ARCN1: variants seen among roughly 807,000 people sequenced by gnomAD.
The protein encoded by ARCN1 is archain 1 coat protein complex I subunit delta, also known as coatomer subunit delta.
Under a neutral mutation model 60.4 loss-of-function variants are expected in ARCN1, and 5 were observed. The ratio of observed to expected loss-of-function variants is 0.08; its 90% CI spans 0.04 to 0.17. The LOEUF is 0.17. Among genes scored for constraint, ARCN1 ranks in the 10% least tolerant of loss-of-function variants. The pLI, the probability that ARCN1 is intolerant of heterozygous loss-of-function variation, is 1.00. For missense variants in ARCN1, 464 were observed against 626.5 expected (o/e 0.74, Z 2.77); for synonymous variants, 224 against 220.0 (o/e 1.02, Z -0.16).
At chr11:118,576,426 TAAA>T (rs10671866) in intron 1 of ARCN1, among the ~76,000 whole-genome samples, 59 of 108,766 alleles carry the variant, frequency 5.4e-4, no homozygotes, top group African/African-American at 1.8e-3. Flanking sequence ...CCAAAAATGT[TAAA>T]AAAAAAAAAA....
At position 118,581,151 on chromosome 11, in the gene ARCN1, A is replaced by G. The variant is rs1591383118; in HGVS notation, c.4-95A>G. 10 of 1,492,912 alleles carry G rather than the reference A, an allele frequency of 6.7e-6. No homozygotes were observed. In the East Asian group the frequency reaches 2.3e-4, roughly 34 times the overall value. The allele number at this position is 1,492,912 out of a possible 1,614,324, so 92.5% of individuals were successfully genotyped here. ...AATACTACTACTAGTCATGTCACTA[A>G]ATAAATATGTCATTCTATGGAACAT... On this transcript the variant is annotated intron_variant, in intron 1 of 9. Transcript: ENST00000264028.
At chr11:118,576,442 A>C (rs200253835) in intron 1 of ARCN1, among the ~76,000 whole-genome samples, 3,528 of 131,476 alleles carry the variant, frequency 0.027, 172 homozygotes, top group African/African-American at 0.083. Context: ...AAAAAAAAAA[A>C]AAAAAAACCA....
intron 1 of ARCN1, among the ~76,000 whole-genome samples, chr11:118,579,702 GT>G (rs1371950741): frequency 1.3e-5 from 2 of 150,910 alleles, no homozygotes; most frequent in African/African-American, 4.9e-5. Flanking sequence ...AAAAAAAAAG[GT>G]AGCAAAAATA....
At chr11:118,572,599 C>T in intron 1 of ARCN1, 49 bp downstream of exon 1, 1 of 1,592,300 alleles carries the variant, frequency 6.3e-7, no homozygotes, top group Non-Finnish European at 8.5e-7. Context: ...GCCTCACCGT[C>T]TCTCCTTGTC....
Position 118,597,699 on chromosome 11 carries a change from C to A in ARCN1, c.1242-8C>A. Reference sequence around the variant, plus strand: ...CAGCTACCTTGACCAGAATGTTTCTCACAACAGGTCTGGTGTCGGCGCGCC... The same window carrying A: ...CAGCTACCTTGACCAGAATGTTTCTAACAACAGGTCTGGTGTCGGCGCGCC... On this transcript the variant is annotated splice_region_variant and splice_polypyrimidine_tract_variant and intron_variant, in intron 8 of 9. Coordinates refer to ENST00000264028, the MANE Select transcript of ARCN1 (RefSeq NM_001655.5). The A allele has an allele frequency of 1.2e-6, 2 of 1,613,624 alleles. No individual in the cohort carries two copies. The highest frequency in any genetic ancestry group is 2.2e-5 in the South Asian group (2 of 90,962).
rs144013089 is a variant in ARCN1, at chr11:118,601,047, TTTA to T, written c.*360_*362del. ...ACCTAAGTTGCTCCTTTATTTTTAT[TTTA>T]TTATTATTATTATTATTATTATTAT... On this transcript the variant is annotated 3_prime_UTR_variant, in exon 10 of 10. Coordinates refer to ENST00000264028, the MANE Select transcript of ARCN1 (RefSeq NM_001655.5). 0.92 allele frequency: 134,751 copies of T among 145,900 alleles called. 62,290 individuals are homozygous for T. The highest frequency in any genetic ancestry group is 0.99 in the East Asian group (5,027 of 5,062). 9.0% of individuals were successfully genotyped at this position (145,900 alleles called of 1,614,324 possible).
At chr11:118,593,781 C>A (rs1406103930) in intron 8 of ARCN1, 83 bp downstream of exon 8, 2 of 769,336 alleles carry the variant, frequency 2.6e-6, no homozygotes, top group Non-Finnish European at 4.3e-6. Flanking sequence ...ACCTACCTGA[C>A]CTGACTGTCC....
intron 1 of ARCN1, among the ~76,000 whole-genome samples, chr11:118,578,172 TAAATAAATA>T (rs2135535330): frequency 8.7e-6 from 1 of 114,934 alleles, no homozygotes; most frequent in South Asian, 2.5e-4. Context: ...AAAAAATAAA[TAAATAAATA>T]AATAAATAAA....
intron 6 of ARCN1, among the ~76,000 whole-genome samples, chr11:118,592,066 G>A (rs1043607253): frequency 2.0e-5 from 3 of 151,740 alleles, no homozygotes; most frequent in Non-Finnish European, 2.9e-5. Flanking sequence ...GATTACAGGC[G>A]TGCGCCACCA....
intron 1 of ARCN1, 133 bp from the exon 2 acceptor site, chr11:118,581,113 C>A: frequency 8.4e-7 from 1 of 1,190,066 alleles, no homozygotes; most frequent in Non-Finnish European, 1.2e-6. Flanking sequence ...GAGTGAGACC[C>A]TGTCTTAAAA....
At chr11:118,593,848 G>C (rs1276633283) in intron 8 of ARCN1, 150 bp downstream of exon 8, 3 of 521,072 alleles carry the variant, frequency 5.8e-6, no homozygotes, top group Non-Finnish European at 1.0e-5. Flanking sequence ...ACAAAAGGCT[G>C]CATGTTATGT....
In ARCN1 at chr11:118,600,621, C is replaced by G; in HGVS notation, c.1447-4C>G. ...TTTACCTTACTCTTTGTTTATTTTC[C>G]TAGGTTACCAAAGTGACCCAGGTAG... On this transcript the variant is annotated splice_polypyrimidine_tract_variant and splice_region_variant and intron_variant, in intron 9 of 9. Transcript: ENST00000264028. 2 of 1,605,120 alleles carry G rather than the reference C, an allele frequency of 1.2e-6. No homozygotes were observed. Among genetic ancestry groups the G allele is most frequent in the South Asian group, 1.1e-5 (1 of 89,620 alleles).
In ARCN1 at chr11:118,602,610, C is replaced by T. The variant is rs1555078351; in HGVS notation, c.*1896C>T. On this transcript the variant is annotated 3_prime_UTR_variant, in exon 10 of 10. Transcript: ENST00000264028. ...CTAGCCTTTCCCTTTCCCCTAACTGCATCAGGGAAGAATTCTTATCTCTAG... is the reference window on the plus strand; with the variant it reads ...CTAGCCTTTCCCTTTCCCCTAACTGTATCAGGGAAGAATTCTTATCTCTAG... The T allele has an allele frequency of 6.5e-6, 1 of 153,758 alleles. No individual in the cohort carries two copies. Among genetic ancestry groups the T allele is most frequent in the Non-Finnish European group, 1.5e-5 (1 of 68,050 alleles). The allele number at this position is 153,758 out of a possible 1,614,324, so 9.5% of individuals were successfully genotyped here. A position where few individuals can be genotyped will look rare whatever the true frequency, so the allele number is the denominator to read the frequency against.
chr11:118,598,806 T>C (rs1939087736), intron 9 of ARCN1, among the ~76,000 whole-genome samples: 1 of 151,690 alleles, frequency 6.6e-6, no homozygotes, highest in South Asian at 2.1e-4. Flanking sequence ...ATTTTTTTCC[T>C]TTTTTTCTGA....
At chr11:118,572,899 C>A in intron 1 of ARCN1, 1 of 309,744 alleles carries the variant, frequency 3.2e-6, no homozygotes, top group Non-Finnish European at 6.0e-6. Context: ...CTGATGCTGT[C>A]CCGCCGGTTC....
At chr11:118,585,630 C>G (rs187797533) in intron 5 of ARCN1, among the ~76,000 whole-genome samples, 1 of 152,202 alleles carries the variant, frequency 6.6e-6, no homozygotes, top group East Asian at 1.9e-4. Flanking sequence ...ACCTCTGCCT[C>G]CCAGGTTCAA....
chr11:118,574,388 G>A (rs1005364596), intron 1 of ARCN1, among the ~76,000 whole-genome samples: 3 of 151,918 alleles, frequency 2.0e-5, no homozygotes, highest in Non-Finnish European at 4.4e-5. Context: ...AATTTCCAGC[G>A]TTTATTTTAG....
intron 8 of ARCN1, among the ~76,000 whole-genome samples, chr11:118,596,589 A>C (rs1555077202): frequency 6.6e-6 from 1 of 152,200 alleles, no homozygotes; most frequent in Non-Finnish European, 1.5e-5. Flanking sequence ...CCACCCTTAA[A>C]GTTTACTTTG....
rs575444275 is a variant in ARCN1, at chr11:118,594,571, C to T, written c.1241+873C>T. On this transcript the variant is annotated intron_variant, in intron 8 of 9. Coordinates refer to ENST00000264028, the MANE Select transcript of ARCN1 (RefSeq NM_001655.5). ...ATTTATTTTTTATTTTTATTGGAGA[C>T]TGAGTTTCACTCTTGTTGCCCAGGC... Among the ~76,000 whole-genome samples the T allele has an allele frequency of 3.9e-5, 6 of 152,164 alleles. No individual in the cohort carries two copies. In the South Asian group the frequency reaches 1.2e-3, roughly 32 times the overall value.
Sources: gnomAD v4.1 joint callset for allele counts (sites outside exome capture counted in the v4.1 genomes callset) on GRCh38, gnomAD v4.1.1 for gene constraint, MANE v1.5 for transcripts, NCBI Gene and HGNC (gene_info 2026-07-23, HGNC 2026-07-21) for gene names.